PPP2R3A: variants seen among roughly 807,000 people sequenced by gnomAD.
The protein encoded by PPP2R3A is protein phosphatase 2 regulatory subunit B''alpha.
In PPP2R3A, 80 loss-of-function variants were observed where a neutral mutation model predicts 106.9. The ratio of observed to expected loss-of-function variants is 0.75; its 90% CI spans 0.62 to 0.90. PPP2R3A has a LOEUF of 0.90. PPP2R3A is among the 40% of genes least tolerant of loss of function. The probability of loss-of-function intolerance (pLI) is 0.00; values close to 1 mark genes in which losing one functional copy is unlikely to be tolerated. For synonymous variants in PPP2R3A, 483 were observed against 468.3 expected, an observed-to-expected ratio of 1.03 and a Z score of -0.41; for missense variants, 1,386 against 1,350.4, an observed-to-expected ratio of 1.03 and a Z score of -0.41.
At chr3:136,027,141 A>G in intron 3 of PPP2R3A, 43 bp downstream of exon 3, 10 of 1,540,702 alleles carry the variant, frequency 6.5e-6, no homozygotes, top group Non-Finnish European at 8.8e-6. Flanking sequence ...CCTTCTTTAG[A>G]AACCCTGATC....
intron 6 of PPP2R3A, among the ~76,000 whole-genome samples, chr3:136,077,417 G>C (rs1047667907): frequency 5.3e-5 from 8 of 152,054 alleles, no homozygotes; most frequent in African/African-American, 1.9e-4. Context: ...TTGAAAAAGA[G>C]ATCTAATTTC....
chr3:135,988,321 C>T (rs977317701), intron 1 of PPP2R3A, among the ~76,000 whole-genome samples: 3 of 151,640 alleles, frequency 2.0e-5, no homozygotes, highest in Non-Finnish European at 2.9e-5. Context: ...TCTATAAAAC[C>T]CACTCATGTA....
intron 1 of PPP2R3A, among the ~76,000 whole-genome samples, chr3:135,989,846 C>A (rs1318843601): frequency 6.6e-6 from 1 of 152,036 alleles, no homozygotes; most frequent in African/African-American, 2.4e-5. Flanking sequence ...AAAAAACAGG[C>A]AATAAACTAT....
At position 136,106,318 on chromosome 3, in the gene PPP2R3A, G is replaced by C; in HGVS notation, c.3325G>C (p.Glu1109Gln). Residue 1109 changes from glutamate to glutamine, a missense_variant, in exon 13 of 14, where the codon GAA becomes CAA. Physicochemically the swap from Glu to Gln is conservative, Grantham distance 29. Coordinates refer to ENST00000264977, the MANE Select transcript of PPP2R3A (RefSeq NM_002718.5). ...AEESAQAQFQ[E>Q]GFEDYETDEP... ...GGAATCTGCCCAAGCACAATTCCAG[G>C]AAGGGTGAGTAAGTTTCCCTATGTC... is the stretch of plus-strand genomic sequence containing the variant. The C allele has an allele frequency of 6.2e-7, 1 of 1,613,586 alleles. No individual in the cohort carries two copies. Among genetic ancestry groups the C allele is most frequent in the Middle Eastern group, 1.6e-4 (1 of 6,062 alleles).
At chr3:136,017,816 C>T (rs973580317) in intron 2 of PPP2R3A, among the ~76,000 whole-genome samples, 2 of 152,244 alleles carry the variant, frequency 1.3e-5, no homozygotes, top group Non-Finnish European at 2.9e-5. Context: ...CCCAGCCTCA[C>T]TGTGCTATGT....
intron 5 of PPP2R3A, chr3:136,055,245 G>A (rs574260463): frequency 1.2e-4 from 101 of 820,428 alleles, no homozygotes; most frequent in African/African-American, 1.0e-3. Context: ...ATCAAGCTGC[G>A]TAAAAAGAAA....
intron 7 of PPP2R3A, 43 bp from the exon 8 acceptor site, chr3:136,082,222 G>A (rs1342432127): frequency 6.6e-7 from 1 of 1,508,196 alleles, no homozygotes; most frequent in African/African-American, 1.4e-5. Context: ...GGCCAAAGCT[G>A]CTTTTTCATA....
intron 13 of PPP2R3A, among the ~76,000 whole-genome samples, chr3:136,113,511 G>A (rs781221543): frequency 5.3e-5 from 8 of 152,082 alleles, no homozygotes; most frequent in African/African-American, 1.9e-4. Flanking sequence ...ATGTAAGGCT[G>A]GCCATGGTGA....
At chr3:136,094,889 GACAA>G (rs571750815) in intron 10 of PPP2R3A, among the ~76,000 whole-genome samples, 166 of 152,278 alleles carry the variant, frequency 1.1e-3, no homozygotes, top group Middle Eastern at 6.8e-3. Context: ...AACAAAACCA[GACAA>G]ACACATACCA....
rs1303696971 is a variant in PPP2R3A at position 136,090,675 on chromosome 3, T to G, written c.2927+8T>G. 6.2e-7 allele frequency: 1 copy of G among 1,606,098 alleles called. No individual in the cohort carries two copies. Among genetic ancestry groups the G allele is most frequent in the Non-Finnish European group, 8.5e-7 (1 of 1,173,384 alleles). On this transcript the variant is annotated splice_region_variant and intron_variant, in intron 10 of 13. Transcript: ENST00000264977. ...CAAAAGGAATCCTACCAGGTATGAT[T>G]TCTAAGTTTCCTTTGCCAAGATGTT... is the stretch of plus-strand genomic sequence containing the variant.
chr3:136,100,097 C>T (rs1180457705), intron 10 of PPP2R3A, among the ~76,000 whole-genome samples: 1 of 152,068 alleles, frequency 6.6e-6, no homozygotes, highest in Admixed American at 6.5e-5. Flanking sequence ...CTCAGAGAAA[C>T]CTCTGCGGGC....
At chr3:136,107,242 A>G (rs1937533308) in intron 13 of PPP2R3A, among the ~76,000 whole-genome samples, 1 of 151,906 alleles carries the variant, frequency 6.6e-6, no homozygotes, top group Non-Finnish European at 1.5e-5. Context: ...AATCTTTCTC[A>G]TTAATGTAGT....
intron 5 of PPP2R3A, among the ~76,000 whole-genome samples, chr3:136,054,192 C>G (rs942167446): frequency 6.6e-6 from 1 of 151,434 alleles, no homozygotes; most frequent in Admixed American, 6.6e-5. Context: ...CACACATACA[C>G]ATACACCTAT....
At chr3:136,117,822 T>C (rs570036480) in intron 13 of PPP2R3A, among the ~76,000 whole-genome samples, 1 of 152,278 alleles carries the variant, frequency 6.6e-6, no homozygotes, top group African/African-American at 2.4e-5. Context: ...TACCGTTCCT[T>C]CTGAAACTAT....
At chr3:136,109,400 A>G (rs1576317413) in intron 13 of PPP2R3A, among the ~76,000 whole-genome samples, 1 of 152,328 alleles carries the variant, frequency 6.6e-6, no homozygotes, top group African/African-American at 2.4e-5. Flanking sequence ...TCACTTATCA[A>G]AATAAAAAGA....
intron 1 of PPP2R3A, among the ~76,000 whole-genome samples, chr3:135,997,572 T>C (rs1933451142): frequency 6.6e-6 from 1 of 152,222 alleles, no homozygotes; most frequent in Non-Finnish European, 1.5e-5. Flanking sequence ...TGTGTTCACA[T>C]TTCATTCAGT....
intron 13 of PPP2R3A, among the ~76,000 whole-genome samples, chr3:136,144,698 C>T (rs977290671): frequency 2.0e-5 from 3 of 152,074 alleles, no homozygotes; most frequent in African/African-American, 7.2e-5. Flanking sequence ...GTGGAAACCA[C>T]TTTTAATAAG....
At chr3:136,144,258 T>C (rs895492090) in intron 13 of PPP2R3A, among the ~76,000 whole-genome samples, 7 of 152,214 alleles carry the variant, frequency 4.6e-5, no homozygotes, top group Non-Finnish European at 1.0e-4. Context: ...AGTAGAATGA[T>C]GGGAAATCCA....
chr3:136,070,538 C>T lies in PPP2R3A; in HGVS notation c.2530C>T (p.Arg844Cys), dbSNP rs745916869. 7 of 1,610,086 alleles carry T rather than the reference C, an allele frequency of 4.3e-6. No homozygotes were observed. Among genetic ancestry groups the T allele is most frequent in the South Asian group, 1.1e-5 (1 of 90,598 alleles). ...FLKDAPEFHS[R>C]YITTVIQRIF... ...GAAAGATGCTCCAGAATTCCACTCC[C>T]GCTACATCACCACGGTAGGCTGAGT... The change falls in exon 6 of 14, where the codon CGC becomes TGC. Residue 844 changes from arginine (R) to cysteine (C), a missense_variant. Coordinates refer to ENST00000264977, the MANE Select transcript of PPP2R3A (RefSeq NM_002718.5).
Sources: allele counts gnomAD v4.1 joint callset (sites outside exome capture counted in the v4.1 genomes callset), GRCh38; gene constraint gnomAD v4.1.1; transcripts MANE v1.5; gene names NCBI Gene and HGNC (gene_info 2026-07-23, HGNC 2026-07-21).